Variants in RSPO2 observed in about 807,000 individuals in gnomAD.
The protein encoded by RSPO2 is R-spondin 2.
A neutral mutation model predicts 30.9 loss-of-function variants in RSPO2; 14 were observed. The observed-to-expected ratio is 0.45, with a 90% CI of 0.30 to 0.71. The LOEUF (loss-of-function observed/expected upper bound fraction) is 0.71, where lower values mean the gene tolerates loss of function less well. RSPO2 is among the 30% of genes least tolerant of loss of function. The pLI is 0.08. For synonymous variants in RSPO2, 107 were observed against 96.4 expected (o/e 1.11, Z -0.64); for missense variants, 264 against 301.9 (o/e 0.87, Z 0.93).
At chr8:107,921,546 C>T (rs548930958) in intron 5 of RSPO2, among the ~76,000 whole-genome samples, 1 of 152,052 alleles carries the variant, frequency 6.6e-6, no homozygotes, top group African/African-American at 2.4e-5. Context: ...GTGATGGTAG[C>T]ATTCCCACTA....
At chr8:107,997,779 T>C (rs553469575) in intron 2 of RSPO2, among the ~76,000 whole-genome samples, 1 of 152,270 alleles carries the variant, frequency 6.6e-6, no homozygotes, top group Admixed American at 6.5e-5. Context: ...TTAGCCTTTT[T>C]ATGAATTCTG....
intron 2 of RSPO2, among the ~76,000 whole-genome samples, chr8:108,015,488 G>A (rs1184616648): frequency 6.6e-6 from 1 of 152,128 alleles, no homozygotes; most frequent in East Asian, 1.9e-4. Flanking sequence ...GGGTTCCTCT[G>A]AGCCCTCTGC....
chr8:107,956,208 G>A (rs1310464221), intron 5 of RSPO2, among the ~76,000 whole-genome samples: 2 of 152,042 alleles, frequency 1.3e-5, no homozygotes, highest in Non-Finnish European at 2.9e-5. Context: ...ATTATATTTA[G>A]TTTCCTTTCA....
At chr8:108,069,270 G>C (rs961176075) in intron 2 of RSPO2, among the ~76,000 whole-genome samples, 1 of 152,082 alleles carries the variant, frequency 6.6e-6, no homozygotes, top group Admixed American at 6.5e-5. Flanking sequence ...CTGGAGTGCA[G>C]TGGCACAATC....
At chr8:107,934,371 CTT>C (rs3039296) in intron 5 of RSPO2, among the ~76,000 whole-genome samples, 89,412 of 141,742 alleles carry the variant, frequency 0.63, 29,377 homozygotes, top group East Asian at 0.89. Context: ...TCTCATTTCC[CTT>C]TTTTTTTTTT....
intron 2 of RSPO2, among the ~76,000 whole-genome samples, chr8:108,001,292 T>C (rs1199066024): frequency 6.6e-6 from 1 of 152,172 alleles, no homozygotes; most frequent in Non-Finnish European, 1.5e-5. Flanking sequence ...TAGTTATCTA[T>C]AGGCCCCAAT....
At chr8:108,055,420 C>G (rs533921554) in intron 2 of RSPO2, among the ~76,000 whole-genome samples, 3 of 152,124 alleles carry the variant, frequency 2.0e-5, no homozygotes, top group African/African-American at 7.2e-5. Context: ...TCCACTGAAG[C>G]ATTTAAATGG....
intron 2 of RSPO2, chr8:107,997,345 G>A (rs1402655980): frequency 2.0e-5 from 3 of 152,862 alleles, no homozygotes; most frequent in Non-Finnish European, 4.4e-5. Context: ...TAATTCAAGT[G>A]TGCAGGTGGA....
At chr8:108,073,218 C>T (rs1353070075) in intron 2 of RSPO2, 1 of 152,162 alleles carries the variant, frequency 6.6e-6, no homozygotes, top group Non-Finnish European at 1.5e-5. Context: ...TCAAGATGAC[C>T]ACAGTGTCCA....
Position 108,082,745 on chromosome 8 carries a change from T to C in RSPO2, c.-107A>G, listed in dbSNP as rs372398034. On this transcript the variant is annotated 5_prime_UTR_variant, in exon 2 of 6. Coordinates refer to ENST00000276659, the MANE Select transcript of RSPO2 (RefSeq NM_178565.5). ...TGCTGGGGAGGACTCAGAGGGAGAC[T>C]CGCCACTCACCCCCGGGCCGCACCG... is the stretch of plus-strand genomic sequence containing the variant. 9.6e-6 allele frequency: 8 copies of C among 836,524 alleles called. No individual in the cohort carries two copies. Among genetic ancestry groups the C allele is most frequent in the Admixed American group, 2.3e-5 (1 of 43,916 alleles). The allele number at this position is 836,524 out of a possible 1,614,324, so 51.8% of individuals were successfully genotyped here.
chr8:107,957,973 T>C (rs1430110208), intron 5 of RSPO2, 107 bp downstream of exon 5: 5 of 748,880 alleles, frequency 6.7e-6, no homozygotes, highest in Non-Finnish European at 8.7e-6. Context: ...CCAATATTAT[T>C]GGGTTTCCTT....
Position 108,059,229 on chromosome 8 carries a change from G to A in RSPO2, c.94+23316C>T, listed in dbSNP as rs544413659. 8.6e-5 allele frequency among the ~76,000 whole-genome samples: 13 copies of A among 151,606 alleles called. No individual in the cohort carries two copies. In the East Asian group the frequency reaches 1.7e-3, roughly 20 times the overall value. ...CTTCTCAAAAGAAGACATTTATGCAGCCAAAAAAAAACATGAAAAAAATGC... is the reference window on the plus strand; with the variant it reads ...CTTCTCAAAAGAAGACATTTATGCAACCAAAAAAAAACATGAAAAAAATGC... On this transcript the variant is annotated intron_variant, in intron 2 of 5. Coordinates refer to ENST00000276659, the MANE Select transcript of RSPO2 (RefSeq NM_178565.5).
At position 108,059,932 on chromosome 8, in the gene RSPO2, G is replaced by A. The variant is rs1812395192; in HGVS notation, c.94+22613C>T. Among the ~76,000 whole-genome samples the A allele has an allele frequency of 1.3e-5, 2 of 150,834 alleles. 1 individual carries two copies. Among genetic ancestry groups the A allele is most frequent in the African/African-American group, 4.9e-5 (2 of 40,604 alleles). On this transcript the variant is annotated intron_variant, in intron 2 of 5. Transcript: ENST00000276659. ...ACAAGTTAATGGGTGCAGCACACCAGCATGGCACATGTATACATATGTAAC... is the reference window on the plus strand; with the variant it reads ...ACAAGTTAATGGGTGCAGCACACCAACATGGCACATGTATACATATGTAAC...
chr8:107,962,298 A>G (rs1036549873), intron 3 of RSPO2, among the ~76,000 whole-genome samples: 2 of 152,236 alleles, frequency 1.3e-5, no homozygotes, highest in African/African-American at 2.4e-5. Flanking sequence ...AACAAATTTC[A>G]TTAAAATAGA....
intron 5 of RSPO2, among the ~76,000 whole-genome samples, chr8:107,924,891 CA>C (rs543860858): frequency 4.7e-4 from 71 of 150,476 alleles, no homozygotes; most frequent in Middle Eastern, 3.4e-3. Flanking sequence ...AATATGCATG[CA>C]AAAAAAATGA....
chr8:107,989,296 T>C lies in RSPO2; in HGVS notation c.95-52A>G, dbSNP rs527334598. 5.1e-5 allele frequency: 61 copies of C among 1,204,078 alleles called. No homozygotes were observed. The South Asian group carries it at 8.3e-4, about 16-fold the overall frequency. The allele number at this position is 1,204,078 out of a possible 1,614,324, so 74.6% of individuals were successfully genotyped here. ...TTAATTATCAGTATAATCAGATTTT[T>C]GGTAAATACACCTGCTGAAAAGACA... On this transcript the variant is annotated intron_variant, in intron 2 of 5. Coordinates refer to ENST00000276659, the MANE Select transcript of RSPO2 (RefSeq NM_178565.5).
chr8:108,038,830 C>T (rs183920907), intron 2 of RSPO2, among the ~76,000 whole-genome samples: 1 of 152,094 alleles, frequency 6.6e-6, no homozygotes, highest in East Asian at 1.9e-4. Context: ...AGGCTATTGG[C>T]TACTTAATAG....
intron 5 of RSPO2, among the ~76,000 whole-genome samples, chr8:107,906,376 T>TATATTTTTATTTC (rs1486280862): frequency 1.2e-4 from 15 of 130,050 alleles, no homozygotes; most frequent in Admixed American, 8.1e-4. Context: ...ATTTTTATTT[T>TATATTTTTATTTC]AGAAATAGCA....
intron 2 of RSPO2, among the ~76,000 whole-genome samples, chr8:108,047,725 C>T (rs1464477354): frequency 1.3e-5 from 2 of 151,948 alleles, no homozygotes; most frequent in Non-Finnish European, 2.9e-5. Flanking sequence ...GTGGCACATA[C>T]CTGTAGTCCC....
Sources: allele counts gnomAD v4.1 joint callset (sites outside exome capture counted in the v4.1 genomes callset), GRCh38; gene constraint gnomAD v4.1.1; transcripts MANE v1.5; gene names NCBI Gene and HGNC (gene_info 2026-07-23, HGNC 2026-07-21).